The following GPM6B variants were observed in gnomAD, a reference collection of about 807,000 sequenced individuals.
GPM6B encodes the protein neuronal membrane glycoprotein M6-b.
A neutral mutation model predicts 27.2 loss-of-function variants in GPM6B; 4 were observed. That is an observed-to-expected ratio of 0.15 (90% CI 0.07 to 0.34). The LOEUF (loss-of-function observed/expected upper bound fraction) is 0.34. GPM6B is among the 10% of genes least tolerant of loss of function. The probability of loss-of-function intolerance (pLI) is 1.00; values close to 1 mark genes in which losing one functional copy is unlikely to be tolerated. For synonymous variants in GPM6B, 124 were observed against 103.1 expected, an observed-to-expected ratio of 1.20 and a Z score of -1.23; for missense variants, 183 against 261.9, an observed-to-expected ratio of 0.70 and a Z score of 2.08.
upstream of GPM6B, chrX:13,938,561 G>A: frequency 4.9e-6 from 4 of 819,912 alleles, no homozygotes; most frequent in South Asian, 6.6e-5. Context: ...CGGGCTCCCC[G>A]GGGACGGGCA....
intron 1 of GPM6B, among the ~76,000 whole-genome samples, chrX:13,907,352 C>T (rs191874580): frequency 1.8e-5 from 2 of 112,288 alleles, no homozygotes; most frequent in Admixed American, 1.9e-4. Flanking sequence ...AACCCAGGTT[C>T]GTCTGACTTT....
At chrX:13,903,189 A>T (rs751317436) in intron 1 of GPM6B, among the ~76,000 whole-genome samples, 1 of 111,632 alleles carries the variant, frequency 9.0e-6, no homozygotes, top group Non-Finnish European at 1.9e-5. Flanking sequence ...AGGCTTAGAC[A>T]TCTCCTTCCA....
intron 1 of GPM6B, among the ~76,000 whole-genome samples, chrX:13,829,734 A>G (rs766391544): frequency 8.9e-6 from 1 of 111,775 alleles, no homozygotes; most frequent in South Asian, 3.8e-4. Context: ...GATGAATAAG[A>G]TAATGGGATT....
intron 1 of GPM6B, among the ~76,000 whole-genome samples, chrX:13,918,621 T>C (rs918995937): frequency 2.7e-5 from 3 of 112,110 alleles, no homozygotes; most frequent in African/African-American, 9.7e-5. Context: ...GGGTAATTTA[T>C]TTTAAAAAGT....
intron 7 of GPM6B, among the ~76,000 whole-genome samples, chrX:13,775,272 T>C (rs2048390286): frequency 8.8e-6 from 1 of 113,020 alleles, no homozygotes; most frequent in African/African-American, 3.2e-5. Flanking sequence ...TCATTTGTAA[T>C]CCTTAATACT....
intron 4 of GPM6B, among the ~76,000 whole-genome samples, chrX:13,780,640 C>T (rs1039316788): frequency 1.4e-4 from 16 of 112,073 alleles, no homozygotes; most frequent in African/African-American, 5.2e-4. Context: ...TTCACAGCAG[C>T]TTTGCAAGCA....
chrX:13,911,281 T>C (rs768392913), intron 1 of GPM6B, among the ~76,000 whole-genome samples: 1 of 112,189 alleles, frequency 8.9e-6, no homozygotes, highest in South Asian at 3.7e-4. Flanking sequence ...GGTTCAGATA[T>C]ATGGTCACAG....
chrX:13,916,669 G>GTGTGTGTA (rs2050432721), intron 1 of GPM6B, among the ~76,000 whole-genome samples: 1 of 77,799 alleles, frequency 1.3e-5, no homozygotes, highest in Non-Finnish European at 2.6e-5. Flanking sequence ...ATTAATGTGT[G>GTGTGTGTA]TGTGTGTGTG....
chrX:13,776,881 T>C (rs2048422158), intron 6 of GPM6B, among the ~76,000 whole-genome samples: 1 of 111,940 alleles, frequency 8.9e-6, no homozygotes, highest in African/African-American at 3.2e-5. Flanking sequence ...ATTCCAGAAA[T>C]ATAAATGATT....
intron 2 of GPM6B, among the ~76,000 whole-genome samples, chrX:13,805,084 T>C (rs889212528): frequency 5.4e-5 from 6 of 111,689 alleles, no homozygotes; most frequent in African/African-American, 2.0e-4. Flanking sequence ...TTTCCATCAA[T>C]GCACACAAAA....
chrX:13,858,891 C>T (rs753628298), intron 1 of GPM6B, among the ~76,000 whole-genome samples: 2 of 112,007 alleles, frequency 1.8e-5, no homozygotes, highest in Non-Finnish European at 3.8e-5. Flanking sequence ...ATCACAGGTC[C>T]CTTTGGCATC....
chrX:13,914,506 A>C (rs1437526491), intron 1 of GPM6B, among the ~76,000 whole-genome samples: 2 of 112,650 alleles, frequency 1.8e-5, no homozygotes, highest in Non-Finnish European at 3.7e-5. Context: ...AGGTGATTGC[A>C]GGAACTGCAG....
intron 1 of GPM6B, among the ~76,000 whole-genome samples, chrX:13,884,971 C>T (rs1487294609): frequency 1.1e-4 from 12 of 111,552 alleles, no homozygotes; most frequent in Non-Finnish European, 1.7e-4. Context: ...GGAGAGAAAA[C>T]GAAAAACCCA....
chrX:13,919,850 G>A (rs1454302824), intron 1 of GPM6B, among the ~76,000 whole-genome samples: 2 of 111,641 alleles, frequency 1.8e-5, no homozygotes, highest in African/African-American at 6.5e-5. Flanking sequence ...TTCTCCAAAG[G>A]AGCTGTTGAA....
intron 1 of GPM6B, among the ~76,000 whole-genome samples, chrX:13,845,683 T>C (rs935176378): frequency 2.7e-5 from 3 of 111,840 alleles, no homozygotes; most frequent in African/African-American, 9.7e-5. Flanking sequence ...AGCTTACAAC[T>C]AGTTATATAT....
At chrX:13,796,494 A>G (rs2048818816) in intron 2 of GPM6B, among the ~76,000 whole-genome samples, 1 of 112,353 alleles carries the variant, frequency 8.9e-6, no homozygotes, top group African/African-American at 3.2e-5. Context: ...GTGAACCACT[A>G]ATATAGTGCA....
chrX:13,782,933 C>A (rs1312002724), intron 4 of GPM6B, among the ~76,000 whole-genome samples: 1 of 111,608 alleles, frequency 9.0e-6, no homozygotes, highest in East Asian at 2.8e-4. Context: ...CTAGCAAAGC[C>A]CAGCTAGGCG....
At chrX:13,780,168 C>T (rs753670865) in intron 4 of GPM6B, among the ~76,000 whole-genome samples, 179 bp from the exon 5 acceptor site, 1 of 111,684 alleles carries the variant, frequency 9.0e-6, no homozygotes, top group African/African-American at 3.3e-5. Context: ...GAAGTAAGAG[C>T]CAGCCACATT....
intron 1 of GPM6B, among the ~76,000 whole-genome samples, chrX:13,866,333 A>T (rs1480119596): frequency 8.9e-6 from 1 of 112,580 alleles, no homozygotes; most frequent in East Asian, 2.8e-4. Context: ...ATTGCACTCC[A>T]GTCTGGGCAA....
Sources: allele counts gnomAD v4.1 joint callset (sites outside exome capture counted in the v4.1 genomes callset), GRCh38; gene constraint gnomAD v4.1.1; transcripts MANE v1.5; gene names NCBI Gene and HGNC (gene_info 2026-07-23, HGNC 2026-07-21).